RSF1: variants seen among roughly 807,000 people sequenced by gnomAD.
RSF1 encodes the protein HBV pX-associated protein 8.
RSF1 carries 13 observed loss-of-function variants against 145.2 expected under a neutral mutation model. The observed-to-expected ratio is 0.09, with a 90% CI of 0.06 to 0.14. The LOEUF is 0.14. Ranked by LOEUF, RSF1 falls within the 10% of genes least tolerant of loss-of-function variation. RSF1 has a pLI of 1.00. For synonymous variants in RSF1, 577 were observed against 592.6 expected (o/e 0.97, Z 0.38); for missense variants, 1,517 against 1,718.2 (o/e 0.88, Z 2.07).
At chr11:77,711,741 G>A (rs1274010169) in intron 5 of RSF1, among the ~76,000 whole-genome samples, 3 of 152,224 alleles carry the variant, frequency 2.0e-5, no homozygotes, top group African/African-American at 2.4e-5. Flanking sequence ...AAGAACTTAC[G>A]TAACTAGAGT....
At chr11:77,861,745 A>C in the RSF1 span, among the ~76,000 whole-genome samples, 1 of 152,132 alleles carries the variant, frequency 6.6e-6, no homozygotes, top group African/African-American at 2.4e-5. Context: ...CGTGTTCCAG[A>C]GCCTCCAAAG....
At chr11:77,798,117 G>A (rs1246793939) in intron 1 of RSF1, among the ~76,000 whole-genome samples, 3 of 152,140 alleles carry the variant, frequency 2.0e-5, no homozygotes, top group Admixed American at 1.3e-4. Context: ...TAAGGGTCTA[G>A]AACTAGAAAT....
chr11:77,705,850 C>CT (rs1960535228), intron 5 of RSF1, among the ~76,000 whole-genome samples: 2 of 151,438 alleles, frequency 1.3e-5, no homozygotes, highest in South Asian at 4.2e-4. Flanking sequence ...AAGACCCTGT[C>CT]TCAAAAAAAA....
intron 1 of RSF1, among the ~76,000 whole-genome samples, chr11:77,765,325 C>T (rs1418607327): frequency 6.6e-6 from 1 of 152,144 alleles, no homozygotes; most frequent in African/African-American, 2.4e-5. Flanking sequence ...AGTTTCCAAA[C>T]TGTTTTGGAA....
intron 1 of RSF1, among the ~76,000 whole-genome samples, chr11:77,765,979 C>A (rs901693196): frequency 6.6e-6 from 1 of 152,128 alleles, no homozygotes; most frequent in South Asian, 2.1e-4. Context: ...AACTCCTGAT[C>A]TCAGGCGATC....
At chr11:77,838,615 CT>C in the RSF1 span, among the ~76,000 whole-genome samples, 223 of 129,330 alleles carry the variant, frequency 1.7e-3, no homozygotes, top group Middle Eastern at 0.012. Flanking sequence ...ATACAAGTAC[CT>C]TTTTTTTTTT....
chr11:77,714,079 TTA>T (rs1960750547), intron 5 of RSF1, among the ~76,000 whole-genome samples: 1 of 152,230 alleles, frequency 6.6e-6, no homozygotes, highest in South Asian at 2.1e-4. Context: ...GCAATGTACT[TTA>T]TGAGATCACC....
rs1235695969 is a variant in RSF1, at chr11:77,661,011, C to T, written c.*5906G>A. On this transcript the variant is annotated 3_prime_UTR_variant, in exon 16 of 16. Transcript: ENST00000308488. ...GACTGTGCTAGAATCAGAAGTTCTA[C>T]AAGATTTCAAAATACTTAGTGAATA... 1.3e-5 allele frequency: 2 copies of T among 152,144 alleles called. No individual in the cohort carries two copies. The highest frequency in any genetic ancestry group is 4.8e-5 in the African/African-American group (2 of 41,438). 9.4% of individuals were successfully genotyped at this position (152,144 alleles called of 1,614,324 possible).
chr11:77,752,103 G>C (rs146388360), intron 2 of RSF1, among the ~76,000 whole-genome samples: 1 of 152,152 alleles, frequency 6.6e-6, no homozygotes, highest in African/African-American at 2.4e-5. Flanking sequence ...GACAGACAGC[G>C]AGGGCAAAAG....
chr11:77,786,315 GTTAAC>G (rs2135961735), intron 1 of RSF1, among the ~76,000 whole-genome samples: 1 of 152,226 alleles, frequency 6.6e-6, no homozygotes, highest in South Asian at 2.1e-4. Flanking sequence ...CAAGATTATT[GTTAAC>G]TTATCATTCA....
At chr11:77,712,028 G>T (rs1332897433) in intron 5 of RSF1, among the ~76,000 whole-genome samples, 6 of 152,086 alleles carry the variant, frequency 3.9e-5, no homozygotes, top group South Asian at 2.1e-4. Context: ...ATCTAATGTG[G>T]AATTTTTTGA....
the RSF1 span, chr11:77,842,405 T>C: frequency 2.2e-6 from 3 of 1,362,936 alleles, no homozygotes; most frequent in Non-Finnish European, 3.0e-6. Flanking sequence ...AATCAGGGCT[T>C]AGTATCACTG....
At chr11:77,678,810 GAA>G (rs1176681933) in intron 11 of RSF1, among the ~76,000 whole-genome samples, 198 of 152,216 alleles carry the variant, frequency 1.3e-3, no homozygotes, top group African/African-American at 4.5e-3. Flanking sequence ...CCGTGATTAA[GAA>G]CACCCTAGAA....
chr11:77,710,770 A>T (rs1176098462), intron 5 of RSF1, among the ~76,000 whole-genome samples: 1 of 152,208 alleles, frequency 6.6e-6, no homozygotes, highest in Non-Finnish European at 1.5e-5. Flanking sequence ...ATCTGTGACT[A>T]GTTGGAATAC....
chr11:77,820,453 G>C, intron 1 of RSF1, 75 bp downstream of exon 1: 3 of 1,441,800 alleles, frequency 2.1e-6, no homozygotes, highest in Non-Finnish European at 2.8e-6. Context: ...GCGAAGAACC[G>C]GGGCGCCTGT....
rs1351300740 is a variant in RSF1, at chr11:77,702,344, T to C, written c.885A>G (p.Leu295=). Residue 295 remains leucine (L), a synonymous_variant, in exon 6 of 16, where the codon CTA becomes CTG. Coordinates refer to ENST00000308488, the MANE Select transcript of RSF1 (RefSeq NM_016578.4). ...ELVKLPVIVK[L]EKPLPENEEK... ...CTTCATTTTCTGGCAAAGGTTTTTCTAGCTTCACTATGACTGGCAGTTTCA... is the reference window on the plus strand; with the variant it reads ...CTTCATTTTCTGGCAAAGGTTTTTCCAGCTTCACTATGACTGGCAGTTTCA... The C allele has an allele frequency of 8.1e-6, 13 of 1,611,122 alleles. No homozygotes were observed. Among genetic ancestry groups the C allele is most frequent in the Non-Finnish European group, 1.1e-5 (13 of 1,179,400 alleles).
chr11:77,872,105 C>A, the RSF1 span: 1 of 1,508,628 alleles, frequency 6.6e-7, no homozygotes, highest in Admixed American at 1.9e-5. Context: ...AGTACACCTG[C>A]CTCATGGCAG....
upstream of RSF1, among the ~76,000 whole-genome samples, chr11:77,822,965 C>G (rs528061122): frequency 5.3e-5 from 8 of 152,158 alleles, no homozygotes; most frequent in African/African-American, 1.9e-4. Flanking sequence ...CCTGTAATCC[C>G]AGCACTTTGG....
chr11:77,786,472 C>T (rs547477380), intron 1 of RSF1, among the ~76,000 whole-genome samples: 1 of 152,090 alleles, frequency 6.6e-6, no homozygotes, highest in South Asian at 2.1e-4. Flanking sequence ...CAGGAGTACC[C>T]CAAGGAACAC....
Sources: allele counts gnomAD v4.1 joint callset (sites outside exome capture counted in the v4.1 genomes callset), GRCh38; gene constraint gnomAD v4.1.1; transcripts MANE v1.5; gene names NCBI Gene and HGNC (gene_info 2026-07-23, HGNC 2026-07-21).